Variants in ABCA4 observed in about 807,000 individuals in gnomAD.
ABCA4 encodes retinal-specific phospholipid-transporting ATPase ABCA4.
ABCA4 carries 196 observed loss-of-function variants against 263.7 expected under a neutral mutation model. That is an observed-to-expected ratio of 0.74 (90% CI 0.66 to 0.84). The LOEUF is 0.84. Among genes scored for constraint, ABCA4 ranks in the 40% least tolerant of loss-of-function variants. ABCA4 has a pLI of 0.00. For synonymous variants in ABCA4, 1,133 were observed against 1,094.2 expected (o/e 1.04, Z -0.70); for missense variants, 2,792 against 2,855.1 (o/e 0.98, Z 0.50).
intron 38 of ABCA4, among the ~76,000 whole-genome samples, 184 bp downstream of exon 38, chr1:94,014,358 AG>A (rs1557765359): frequency 7.1e-6 from 1 of 141,736 alleles, no homozygotes; most frequent in Non-Finnish European, 1.5e-5. Context: ...GAAGAAGGAA[AG>A]AGGAAGGAAG....
intron 48 of ABCA4, among the ~76,000 whole-genome samples, chr1:93,996,726 C>A (rs1198552441): frequency 6.6e-6 from 1 of 151,942 alleles, no homozygotes; most frequent in African/African-American, 2.4e-5. Context: ...CAGAAACAAC[C>A]CAAATGTCTA....
chr1:93,995,548 C>G (rs1347608012), intron 49 of ABCA4, among the ~76,000 whole-genome samples: 2 of 152,180 alleles, frequency 1.3e-5, no homozygotes, highest in Non-Finnish European at 2.9e-5. Context: ...TTATCACAAG[C>G]CAGGAGACAT....
At chr1:93,997,754 T>G (rs1420490264) in intron 48 of ABCA4, 107 bp downstream of exon 48, 1 of 1,433,994 alleles carries the variant, frequency 7.0e-7, no homozygotes. Flanking sequence ...GGCAAGAGTT[T>G]GTTAAAAATC....
intron 11 of ABCA4, among the ~76,000 whole-genome samples, chr1:94,068,926 T>A (rs895820011): frequency 6.6e-6 from 1 of 152,210 alleles, no homozygotes; most frequent in African/African-American, 2.4e-5. Context: ...TGACAGCCAA[T>A]GACAATAAAG....
At chr1:94,025,949 A>G (rs910107376) in intron 30 of ABCA4, among the ~76,000 whole-genome samples, 1 of 152,216 alleles carries the variant, frequency 6.6e-6, no homozygotes, top group Non-Finnish European at 1.5e-5. Context: ...AAGAATTTGA[A>G]TAGTTCCTTA....
rs1180376633 is a variant in ABCA4 at position 94,055,307 on chromosome 1, C to T, written c.2391G>A (p.Leu797=). The T allele has an allele frequency of 2.2e-5, 36 of 1,613,886 alleles. No individual in the cohort carries two copies. Among genetic ancestry groups the T allele is most frequent in the Non-Finnish European group, 3.0e-5 (35 of 1,180,004 alleles). The change falls in exon 16 of 50, where the codon CTG becomes CTA. Residue 797 remains leucine, a synonymous_variant. Transcript: ENST00000370225. ...TAELKKAVSL[L]SPVAFGFGTE... ...TGCCAAATCCAAATGCCACCGGAGACAGTAAGCTCTGCAGTGAGGCGGAGA... is the reference window on the plus strand; with the variant it reads ...TGCCAAATCCAAATGCCACCGGAGATAGTAAGCTCTGCAGTGAGGCGGAGA...
chr1:94,038,675 C>G (rs1340715621), intron 24 of ABCA4, among the ~76,000 whole-genome samples: 1 of 152,126 alleles, frequency 6.6e-6, no homozygotes, highest in African/African-American at 2.4e-5. Flanking sequence ...ATTCATTGTT[C>G]TTTTAGGAAG....
chr1:94,080,656 A>G lies in ABCA4; in HGVS notation c.921T>C (p.Gly307=), dbSNP rs1204187227. ...LWVTRPLMQN[G]GPETFTKLMG... ...TCAGCTTTGTAAAGGTCTCTGGACCACCATTCTGCATGAGGGGCCTGGTCA... is the reference window on the plus strand; with the variant it reads ...TCAGCTTTGTAAAGGTCTCTGGACCGCCATTCTGCATGAGGGGCCTGGTCA... The change falls in exon 8 of 50, where the codon GGT becomes GGC. Residue 307 remains glycine, a synonymous_variant. Coordinates refer to ENST00000370225, the MANE Select transcript of ABCA4 (RefSeq NM_000350.3). The G allele has an allele frequency of 6.2e-7, 1 of 1,614,022 alleles. No homozygotes were observed. Among genetic ancestry groups the G allele is most frequent in the Non-Finnish European group, 8.5e-7 (1 of 1,180,024 alleles).
rs533422156 is a variant in ABCA4 at position 94,030,453 on chromosome 1, G to T, written c.4327C>A (p.Arg1443Ser). The T allele has an allele frequency of 6.2e-7, 1 of 1,614,192 alleles. No individual in the cohort carries two copies. The highest frequency in any genetic ancestry group is 8.5e-7 in the Non-Finnish European group (1 of 1,180,020). ...VLLNKPGFGN[R>S]CLKEGWLPEY... ...GGAAGCCACCCTTCCTTCAGGCAGC[G>T]GTTGCCAAAGCCTGGCTTATTCAGG... Residue 1443 changes from arginine to serine, a missense_variant, in exon 29 of 50, where the codon CGC becomes AGC. By Grantham distance (110) the Arg-to-Ser change is moderately radical. Transcript: ENST00000370225.
chr1:93,996,870 C>G (rs1261713850), intron 48 of ABCA4, among the ~76,000 whole-genome samples: 1 of 152,154 alleles, frequency 6.6e-6, no homozygotes, highest in Non-Finnish European at 1.5e-5. Flanking sequence ...ATGCTAAGTC[C>G]TCGCATAATA....
In ABCA4 at chr1:94,015,770, G is replaced by T. The variant is rs1454355504; in HGVS notation, c.5281C>A (p.Pro1761Thr). 12 of 1,614,016 alleles carry T rather than the reference G, an allele frequency of 7.4e-6. No homozygotes were observed. The highest frequency in any genetic ancestry group is 1.0e-5 in the Non-Finnish European group (12 of 1,179,950). ...AGCAGGAGCAGTGCCACAAGGGCAGGAAGGTTTTCTGGAGAAGTGTAGGCT... is the reference window on the plus strand; with the variant it reads ...AGCAGGAGCAGTGCCACAAGGGCAGTAAGGTTTTCTGGAGAAGTGTAGGCT... ...KKAYTSPENLPALVALLLLYG... is the reference protein window; with the variant it reads ...KKAYTSPENLTALVALLLLYG... Residue 1761 changes from proline (P) to threonine (T), a missense_variant, in exon 37 of 50, where the codon CCT becomes ACT. By Grantham distance (38) the Pro-to-Thr change is conservative (BLOSUM62 -1). Coordinates refer to ENST00000370225, the MANE Select transcript of ABCA4 (RefSeq NM_000350.3).
chr1:94,087,534 G>C (rs1203151669), intron 6 of ABCA4, among the ~76,000 whole-genome samples: 8 of 152,168 alleles, frequency 5.3e-5, no homozygotes. Flanking sequence ...CCCTTTGCCT[G>C]GTCCCTGCCT....
At chr1:94,066,062 T>C (rs548225575) in intron 11 of ABCA4, among the ~76,000 whole-genome samples, 22 of 152,266 alleles carry the variant, frequency 1.4e-4, no homozygotes, top group Non-Finnish European at 2.4e-4. Flanking sequence ...CAATAAATGT[T>C]TGTTTCTTCT....
rs750836609 is a variant in ABCA4 at position 94,077,752 on chromosome 1, C to G, written c.1492G>C (p.Asp498His). The G allele has an allele frequency of 3.7e-6, 6 of 1,614,144 alleles. No individual in the cohort carries two copies. Among genetic ancestry groups the G allele is most frequent in the African/African-American group, 1.3e-5 (1 of 75,048 alleles). Residue 498 changes from aspartate to histidine, a missense_variant, in exon 11 of 50, where the codon GAC becomes CAC. Asp to His is a moderately conservative substitution (Grantham distance 81). Coordinates refer to ENST00000370225, the MANE Select transcript of ABCA4 (RefSeq NM_000350.3). ...ESQADDMANFDWRDIFNITDR... is the reference protein window; with the variant it reads ...ESQADDMANFHWRDIFNITDR... The stretch of plus-strand genomic sequence containing the variant: ...GTGATGTTAAATATGTCCCTCCAGT[C>G]GAAGTTGGCCATGTCGTCAGCCTGG...
At chr1:94,038,666 T>G (rs951805921) in intron 24 of ABCA4, among the ~76,000 whole-genome samples, 2 of 152,178 alleles carry the variant, frequency 1.3e-5, no homozygotes, top group Non-Finnish European at 2.9e-5. Context: ...AGGGGTCATA[T>G]TCATTGTTCT....
At chr1:94,018,189 A>G (rs1659789218) in intron 36 of ABCA4, among the ~76,000 whole-genome samples, 1 of 150,622 alleles carries the variant, frequency 6.6e-6, no homozygotes, top group South Asian at 2.1e-4. Flanking sequence ...GTAAGCGCAC[A>G]CGCGCGTGCG....
At chr1:94,003,353 CCT>C (rs1491319438) in intron 44 of ABCA4, among the ~76,000 whole-genome samples, 1 of 144,512 alleles carries the variant, frequency 6.9e-6, no homozygotes, top group Non-Finnish European at 1.5e-5. Flanking sequence ...AATACAGTCT[CCT>C]TTTTTTTTTT....
intron 44 of ABCA4, 167 bp downstream of exon 44, chr1:94,005,274 T>G: frequency 1.2e-6 from 1 of 865,078 alleles, no homozygotes. Context: ...GCTATACTCC[T>G]GGTTTCTAGA....
At chr1:94,037,613 T>TG (rs535019260) in intron 24 of ABCA4, among the ~76,000 whole-genome samples, 153 of 148,966 alleles carry the variant, frequency 1.0e-3, no homozygotes, top group Middle Eastern at 3.4e-3. Context: ...CGGAGGTTGG[T>TG]GGGGGGGTCA....
Sources: gnomAD v4.1 joint callset for allele counts (sites outside exome capture counted in the v4.1 genomes callset) on GRCh38, gnomAD v4.1.1 for gene constraint, MANE v1.5 for transcripts, NCBI Gene and HGNC (gene_info 2026-07-23, HGNC 2026-07-21) for gene names.